Variants in MTTP observed in about 807,000 individuals in gnomAD.
The protein encoded by MTTP is microsomal triglyceride transfer protein, also known as microsomal triglyceride transfer protein large subunit.
MTTP carries 49 observed loss-of-function variants against 90.6 expected under a neutral mutation model. The ratio of observed to expected loss-of-function variants is 0.54; its 90% CI spans 0.43 to 0.69. MTTP has a LOEUF of 0.69. Among genes scored for constraint, MTTP ranks in the 30% least tolerant of loss-of-function variants. The pLI is 0.00. For synonymous variants in MTTP, 347 were observed against 384.2 expected (o/e 0.90, Z 1.13); for missense variants, 945 against 1,067.5 (o/e 0.89, Z 1.60).
intron 15 of MTTP, among the ~76,000 whole-genome samples, chr4:99,614,800 G>A (rs1461223214): frequency 6.6e-6 from 1 of 152,212 alleles, no homozygotes; most frequent in Non-Finnish European, 1.5e-5. Context: ...GACCAAAACG[G>A]TGTTACATGG....
intron 14 of MTTP, 24 bp downstream of exon 14, chr4:99,611,477 G>T (rs1347900228): frequency 1.9e-6 from 3 of 1,613,252 alleles, no homozygotes; most frequent in Non-Finnish European, 2.5e-6. Context: ...CATGGATTTT[G>T]CTTAATAAAG....
Position 99,592,252 on chromosome 4 carries a change from A to C in MTTP, c.758+462A>C, listed in dbSNP as rs78827277. Among the ~76,000 whole-genome samples, 377 of 152,346 alleles carry C rather than the reference A, an allele frequency of 2.5e-3. 26 individuals carry two copies. The East Asian group carries it at 0.066, about 27-fold the overall frequency. On this transcript the variant is annotated intron_variant, in intron 6 of 17. Coordinates refer to ENST00000265517, the MANE Select transcript of MTTP (RefSeq NM_001386140.1). ...TGGATGAATCACCAAATGAGCACTGAGTGAATGTCATAGACTAGGACGTTA... is the reference window on the plus strand; with the variant it reads ...TGGATGAATCACCAAATGAGCACTGCGTGAATGTCATAGACTAGGACGTTA...
intron 3 of MTTP, among the ~76,000 whole-genome samples, chr4:99,585,585 C>T (rs1725238686): frequency 6.6e-6 from 1 of 152,120 alleles, no homozygotes; most frequent in Non-Finnish European, 1.5e-5. Flanking sequence ...TGTGGCAAGA[C>T]ACTTGAGTTC....
intron 4 of MTTP, among the ~76,000 whole-genome samples, 181 bp from the exon 5 acceptor site, chr4:99,591,054 G>C (rs1032688684): frequency 6.6e-6 from 1 of 152,278 alleles, no homozygotes; most frequent in East Asian, 1.9e-4. Context: ...CAACCAAAGA[G>C]AATGGGAGGG....
intron 7 of MTTP, among the ~76,000 whole-genome samples, chr4:99,595,883 C>T (rs1461502951): frequency 1.3e-5 from 2 of 151,522 alleles, no homozygotes; most frequent in African/African-American, 2.4e-5. Flanking sequence ...ATTTCTCTCC[C>T]ATAGATATTA....
chr4:99,597,327 C>T, intron 8 of MTTP, 103 bp downstream of exon 8: 1 of 1,260,190 alleles, frequency 7.9e-7, no homozygotes, highest in Non-Finnish European at 1.1e-6. Flanking sequence ...TGCCCCACCA[C>T]CAAAACAATT....
At position 99,583,446 on chromosome 4, in the gene MTTP, T is replaced by A. The variant is rs1427457842; in HGVS notation, c.322T>A (p.Ser108Thr). Residue 108 changes from serine (S) to threonine (T), a missense_variant, in exon 3 of 18, where the codon TCT (serine) becomes ACT (threonine). By Grantham distance (58) the Ser-to-Thr change is moderately conservative. Coordinates refer to ENST00000265517, the MANE Select transcript of MTTP (RefSeq NM_001386140.1). The part of the protein sequence containing the change: ...EKSIFKGKSP[S>T]KIMGKENLEA... The stretch of plus-strand genomic sequence containing the variant: ...GAGCATCTTCAAAGGAAAAAGCCCA[T>A]CTAAAATAATGGGAAAGGAAAACTT... 3.1e-6 allele frequency: 5 copies of A among 1,613,534 alleles called. No individual in the cohort carries two copies. The highest frequency in any genetic ancestry group is 4.2e-6 in the Non-Finnish European group (5 of 1,179,736).
In MTTP at chr4:99,618,304, C is replaced by T. The variant is rs368552680; in HGVS notation, c.2218-670C>T. Among the ~76,000 whole-genome samples, 72 of 152,272 alleles carry T rather than the reference C, an allele frequency of 4.7e-4. No individual in the cohort carries two copies. The South Asian group carries it at 0.011, about 23-fold the overall frequency. Reference sequence around the variant, plus strand: ...ATAACAAGTTCCCCTTGGATACTAACGGACAAACACACTCCACTGGGAGTT... The same window carrying T: ...ATAACAAGTTCCCCTTGGATACTAATGGACAAACACACTCCACTGGGAGTT... On this transcript the variant is annotated intron_variant, in intron 15 of 17. Coordinates refer to ENST00000265517, the MANE Select transcript of MTTP (RefSeq NM_001386140.1).
Position 99,583,514 on chromosome 4 carries a change from A to G in MTTP, c.390A>G (p.Gly130=). Residue 130 remains glycine (G), a synonymous_variant, in exon 3 of 18, where the codon GGA becomes GGG. Coordinates refer to ENST00000265517, the MANE Select transcript of MTTP (RefSeq NM_001386140.1). ...CTACGCTCCTTCATCTAATCCATGG[A>G]AAGGTAAAGGGGCGTTTAGATTCCA... ...QRPTLLHLIH[G]KVKEFYSYQN... The G allele has an allele frequency of 6.2e-7, 1 of 1,613,568 alleles. No individual in the cohort carries two copies. Among genetic ancestry groups the G allele is most frequent in the East Asian group, 2.2e-5 (1 of 44,830 alleles).
chr4:99,597,650 G>A (rs1046244226), intron 8 of MTTP, among the ~76,000 whole-genome samples: 1 of 152,310 alleles, frequency 6.6e-6, no homozygotes, highest in East Asian at 1.9e-4. Context: ...AGTTGAAAAT[G>A]TGATTTCACT....
rs3792681 is a variant in MTTP at position 99,589,611 on chromosome 4, T to C, written c.394-32T>C. ...ATCTGATAAATGATGCATTTTTGCT[T>C]CATTTGTGTTCTGTTCCCCTCTCCC... On this transcript the variant is annotated intron_variant, in intron 3 of 17. Coordinates refer to ENST00000265517, the MANE Select transcript of MTTP (RefSeq NM_001386140.1). 69,241 of 1,272,078 alleles carry C rather than the reference T, an allele frequency of 0.054. 6,966 individuals carry two copies. Among genetic ancestry groups the C allele is most frequent in the East Asian group, 0.46 (19,682 of 42,948 alleles). The allele number at this position is 1,272,078 out of a possible 1,614,324, so 78.8% of individuals were successfully genotyped here. A position where few individuals can be genotyped will look rare whatever the true frequency, so the allele number is the denominator to read the frequency against.
At chr4:99,586,972 T>G (rs1184940250) in intron 3 of MTTP, among the ~76,000 whole-genome samples, 1 of 150,556 alleles carries the variant, frequency 6.6e-6, no homozygotes, top group Non-Finnish European at 1.5e-5. Flanking sequence ...CTCTGAGTAC[T>G]GTAAATTTAG....
chr4:99,564,729 G>C (rs942560333), intron 1 of MTTP, among the ~76,000 whole-genome samples: 2 of 152,152 alleles, frequency 1.3e-5, no homozygotes, highest in African/African-American at 4.8e-5. Flanking sequence ...TTGAAGGTAA[G>C]AATGAGGTTT....
At chr4:99,572,515 A>T (rs1724861635), upstream of MTTP, among the ~76,000 whole-genome samples, 1 of 152,000 alleles carries the variant, frequency 6.6e-6, no homozygotes, top group Admixed American at 6.6e-5. Context: ...TCCTAATATC[A>T]CTTCAGTAAA....
chr4:99,570,438 T>TTC (rs142208626), upstream of MTTP, among the ~76,000 whole-genome samples: 2 of 151,694 alleles, frequency 1.3e-5, no homozygotes, highest in African/African-American at 2.4e-5. Context: ...TTTAAATATC[T>TTC]TCTCTCTCTC....
At chr4:99,564,520 C>T (rs1040833677) in intron 1 of MTTP, 5 of 343,208 alleles carry the variant, frequency 1.5e-5, no homozygotes, top group Non-Finnish European at 2.7e-5. Flanking sequence ...ACTCTTTATT[C>T]ATTCCTTGAG....
rs886058953 is a variant in MTTP, at chr4:99,564,134, G to A, written c.-205G>A. 1.0e-5 allele frequency: 16 copies of A among 1,535,490 alleles called. No homozygotes were observed. The highest frequency in any genetic ancestry group is 1.3e-5 in the Non-Finnish European group (15 of 1,146,898). ...GAGGGGTTTATGCGGGGCGGGGTCT[G>A]GAGTTAGTGTTTTGGGAGTGGGAGG... On this transcript the variant is annotated 5_prime_UTR_variant, in exon 1 of 19. Transcript: ENST00000457717.
chr4:99,620,489 C>T (rs1401173688), intron 16 of MTTP, among the ~76,000 whole-genome samples: 3 of 152,182 alleles, frequency 2.0e-5, no homozygotes, highest in African/African-American at 7.2e-5. Context: ...ATTTTTCCTC[C>T]TAGGACCTAC....
Position 99,591,768 on chromosome 4 carries a change from A to G in MTTP, c.736A>G (p.Ile246Val). ...HNFGLNFLQTIKGKIVSKQKL... is the reference protein window; with the variant it reads ...HNFGLNFLQTVKGKIVSKQKL... ...TTTTGGACTGAATTTCCTACAAACC[A>G]TTAAGGGGAAAATAGTATCGAAGTA... Residue 246 changes from isoleucine to valine, a missense_variant, in exon 6 of 18, where the codon ATT (isoleucine) becomes GTT (valine). Physicochemically the swap from Ile to Val is conservative, Grantham distance 29 (BLOSUM62 3). Transcript: ENST00000265517. 2 of 1,612,752 alleles carry G rather than the reference A, an allele frequency of 1.2e-6. No individual in the cohort carries two copies. Among genetic ancestry groups the G allele is most frequent in the Non-Finnish European group, 1.7e-6 (2 of 1,178,984 alleles).
Sources: gnomAD v4.1 joint callset for allele counts (sites outside exome capture counted in the v4.1 genomes callset) on GRCh38, gnomAD v4.1.1 for gene constraint, MANE v1.5 for transcripts, NCBI Gene and HGNC (gene_info 2026-07-23, HGNC 2026-07-21) for gene names.